Variants in PRRC1 observed in about 807,000 individuals in gnomAD.
PRRC1 encodes proline rich coiled-coil 1.
In PRRC1, 39 loss-of-function variants were observed where a neutral mutation model predicts 40.7. The ratio of observed to expected loss-of-function variants is 0.96; its 90% CI spans 0.74 to 1.25. The LOEUF is 1.25. Among genes scored for constraint, PRRC1 ranks in the 50% most tolerant of loss-of-function variants. The pLI, the probability that PRRC1 is intolerant of heterozygous loss-of-function variation, is 0.00. For synonymous variants in PRRC1, 175 were observed against 193.3 expected (o/e 0.91, Z 0.79); for missense variants, 573 against 548.3 (o/e 1.05, Z -0.45).
At chr5:127,518,249 G>A (rs892623494) in intron 1 of PRRC1, among the ~76,000 whole-genome samples, 20 of 152,220 alleles carry the variant, frequency 1.3e-4, no homozygotes, top group Non-Finnish European at 2.9e-5. Flanking sequence ...GCCCTGGAGA[G>A]GCCCAGGAGG....
intron 5 of PRRC1, among the ~76,000 whole-genome samples, chr5:127,532,428 A>G (rs945656802): frequency 2.4e-4 from 37 of 152,144 alleles, no homozygotes; most frequent in African/African-American, 6.8e-4. Flanking sequence ...TTTTTACACA[A>G]ATATTCTAGA....
rs753162819 is a variant in PRRC1 at position 127,554,985 on chromosome 5, T to C, written c.*3069T>C. On this transcript the variant is annotated 3_prime_UTR_variant, in exon 9 of 9. Coordinates refer to ENST00000296666, the MANE Select transcript of PRRC1 (RefSeq NM_130809.5). Reference sequence around the variant, plus strand: ...AATATGGATTTTTATTCCCAGGATATGGTGTTCATTTTATGATATTACGCA... The same window carrying C: ...AATATGGATTTTTATTCCCAGGATACGGTGTTCATTTTATGATATTACGCA... The C allele has an allele frequency of 6.6e-6, 1 of 152,638 alleles. No individual in the cohort carries two copies. The highest frequency in any genetic ancestry group is 6.5e-5 in the Admixed American group (1 of 15,280). The allele number at this position is 152,638 out of a possible 1,614,324, so 9.5% of individuals were successfully genotyped here.
Position 127,552,867 on chromosome 5 carries a change from CTTT to C in PRRC1, c.*955_*957del. 5.1e-6 allele frequency: 5 copies of C among 977,174 alleles called. No homozygotes were observed. Among genetic ancestry groups the C allele is most frequent in the Non-Finnish European group, 6.1e-6 (5 of 822,182 alleles). The allele number at this position is 977,174 out of a possible 1,614,324, so 60.5% of individuals were successfully genotyped here. A position where few individuals can be genotyped will look rare whatever the true frequency, so the allele number is the denominator to read the frequency against. ...CTTATTTGGTTTGCCTTAAGCATTA[CTTT>C]TTTAACTTTGTGCCATTTGGTCTTT... is the stretch of plus-strand genomic sequence containing the variant. On this transcript the variant is annotated 3_prime_UTR_variant, in exon 9 of 9. Coordinates refer to ENST00000296666, the MANE Select transcript of PRRC1 (RefSeq NM_130809.5).
intron 1 of PRRC1, chr5:127,518,013 G>C (rs1037775280): frequency 6.5e-6 from 1 of 152,848 alleles, no homozygotes; most frequent in African/African-American, 2.4e-5. Flanking sequence ...AGCAGTTTCC[G>C]CTGGGGATGG....
Position 127,518,270 on chromosome 5 carries a change from A to T in PRRC1, c.-21+494A>T, listed in dbSNP as rs868296088. Among the ~76,000 whole-genome samples the T allele has an allele frequency of 2.6e-5, 4 of 152,212 alleles. No individual in the cohort carries two copies. The South Asian group carries it at 6.2e-4, about 24-fold the overall frequency. ...GAGAGGCCCAGGAGGCTCGAGAGTCATCACACCAGGACCTGCAATGAAAGG... is the reference window on the plus strand; with the variant it reads ...GAGAGGCCCAGGAGGCTCGAGAGTCTTCACACCAGGACCTGCAATGAAAGG... On this transcript the variant is annotated intron_variant, in intron 1 of 8. Transcript: ENST00000296666.
chr5:127,546,190 A>G (rs1024392610), intron 7 of PRRC1, among the ~76,000 whole-genome samples: 2 of 152,022 alleles, frequency 1.3e-5, no homozygotes, highest in African/African-American at 2.4e-5. Flanking sequence ...AGGTTCACTA[A>G]TCCTGCCTTC....
chr5:127,537,695 G>C (rs1039235951), intron 6 of PRRC1, among the ~76,000 whole-genome samples: 1 of 151,930 alleles, frequency 6.6e-6, no homozygotes, highest in African/African-American at 2.4e-5. Flanking sequence ...CAAAGAGTTA[G>C]GGGATGAATC....
Position 127,530,022 on chromosome 5 carries a change from A to T in PRRC1, c.655-272A>T, listed in dbSNP as rs546952284. Among the ~76,000 whole-genome samples the T allele has an allele frequency of 2.0e-5, 3 of 152,210 alleles. No individual in the cohort carries two copies. In the South Asian group the frequency reaches 6.2e-4, roughly 32 times the overall value. The stretch of plus-strand genomic sequence containing the variant: ...TGTATATACACACACATATATATGT[A>T]TATATAGTATAGCATCCTTTCCATA... On this transcript the variant is annotated intron_variant, in intron 4 of 8. Coordinates refer to ENST00000296666, the MANE Select transcript of PRRC1 (RefSeq NM_130809.5).
intron 7 of PRRC1, among the ~76,000 whole-genome samples, chr5:127,546,719 G>A (rs540785163): frequency 6.6e-6 from 1 of 152,122 alleles, no homozygotes; most frequent in Non-Finnish European, 1.5e-5. Context: ...AGCTTGGTTA[G>A]TATGTTATTC....
rs751913439 is a variant in PRRC1 at position 127,547,829 on chromosome 5, A to G, written c.1036A>G (p.Ile346Val). ...AELLPDKWFD[I>V]GCLVVEDPVH... ...GTAATTCTGTTGCAGATGGTTTGAC[A>G]TTGGTTGTTTGGTGGTTGAAGATCC... Residue 346 changes from isoleucine (I) to valine (V), a missense_variant, in exon 8 of 9, where the codon ATT becomes GTT. Transcript: ENST00000296666. 7 of 1,612,288 alleles carry G rather than the reference A, an allele frequency of 4.3e-6. No homozygotes were observed.
In PRRC1 at chr5:127,554,929, TA is replaced by T. The variant is rs1430269790; in HGVS notation, c.*3017del. 7 of 152,762 alleles carry T rather than the reference TA, an allele frequency of 4.6e-5. No individual in the cohort carries two copies. Among genetic ancestry groups the T allele is most frequent in the African/African-American group, 1.7e-4 (7 of 41,590 alleles). 9.5% of individuals were successfully genotyped at this position (152,762 alleles called of 1,614,324 possible). A position where few individuals can be genotyped will look rare whatever the true frequency, so the allele number is the denominator to read the frequency against. On this transcript the variant is annotated 3_prime_UTR_variant, in exon 9 of 9. Coordinates refer to ENST00000296666, the MANE Select transcript of PRRC1 (RefSeq NM_130809.5). Reference sequence around the variant, plus strand: ...GCCAAATTGATAATATTCTATGTTCTAAAAGTTGGGCTATACATAAATTATT... The same window carrying T: ...GCCAAATTGATAATATTCTATGTTCTAAAGTTGGGCTATACATAAATTATT...
intron 4 of PRRC1, among the ~76,000 whole-genome samples, chr5:127,528,384 G>A (rs1253631376): frequency 6.6e-6 from 1 of 151,796 alleles, no homozygotes. Flanking sequence ...GTGCGATCTT[G>A]GCTTACTGCA....
In PRRC1 at chr5:127,544,403, T is replaced by C. The variant is rs567643877; in HGVS notation, c.1026-3416T>C. Among the ~76,000 whole-genome samples the C allele has an allele frequency of 3.3e-5, 5 of 152,372 alleles. No individual in the cohort carries two copies. The South Asian group carries it at 1.0e-3, about 32-fold the overall frequency. The stretch of plus-strand genomic sequence containing the variant: ...GCGTGCTGGGAGAACCACTGCTCTC[T>C]TCAAAGCTGTCAGACAGGGACATTT... On this transcript the variant is annotated intron_variant, in intron 7 of 8. Transcript: ENST00000296666.
At chr5:127,534,031 G>C (rs1395105967) in intron 6 of PRRC1, among the ~76,000 whole-genome samples, 1 of 152,130 alleles carries the variant, frequency 6.6e-6, no homozygotes, top group East Asian at 1.9e-4. Context: ...AAAAGGAATA[G>C]TTAGTCCTAA....
intron 5 of PRRC1, 76 bp downstream of exon 5, chr5:127,530,472 C>A: frequency 2.4e-6 from 2 of 835,740 alleles, no homozygotes; most frequent in South Asian, 2.0e-5. Flanking sequence ...AATTGTAATT[C>A]TCTGTTCGTT....
In PRRC1 at chr5:127,551,766, G is replaced by A. The variant is rs763641054; in HGVS notation, c.1188G>A (p.Val396=). The part of the protein sequence containing the change: ...NLRWSGLLVT[V]GEVLEKSLLN... ...GGTGGTCAGGCCTTTTGGTGACAGTGGGTGAAGTCCTGGAAAAGAGTTTAC... is the reference window on the plus strand; with the variant it reads ...GGTGGTCAGGCCTTTTGGTGACAGTAGGTGAAGTCCTGGAAAAGAGTTTAC... The change falls in exon 9 of 9, where the codon GTG becomes GTA. Residue 396 remains valine (V), a synonymous_variant. Coordinates refer to ENST00000296666, the MANE Select transcript of PRRC1 (RefSeq NM_130809.5). 1.3e-5 allele frequency: 21 copies of A among 1,614,118 alleles called. No homozygotes were observed. In the South Asian group the frequency reaches 1.9e-4, roughly 14 times the overall value.
At chr5:127,546,512 G>T (rs180940597) in intron 7 of PRRC1, among the ~76,000 whole-genome samples, 27 of 152,236 alleles carry the variant, frequency 1.8e-4, no homozygotes, top group Non-Finnish European at 3.2e-4. Context: ...AAGTGATCTT[G>T]AGAAGGTTCA....
rs1767577601 is a variant in PRRC1 at position 127,524,895 on chromosome 5, A to G, written c.468A>G (p.Pro156=). Residue 156 remains proline, a synonymous_variant, in exon 3 of 9, where the codon CCA becomes CCG. Coordinates refer to ENST00000296666, the MANE Select transcript of PRRC1 (RefSeq NM_130809.5). The part of the protein sequence containing the change: ...AGRAPQTPLM[P]SFSAPSGTGL... ...GAGCTCCCCAGACACCCCTGATGCC[A>G]TCATTTTCTGCACCTTCAGGAACAG... The G allele has an allele frequency of 1.2e-6, 2 of 1,606,784 alleles. No homozygotes were observed. Among genetic ancestry groups the G allele is most frequent in the Non-Finnish European group, 1.7e-6 (2 of 1,175,336 alleles).
At chr5:127,537,536 ATTAATT>A (rs1767931154) in intron 6 of PRRC1, among the ~76,000 whole-genome samples, 1 of 151,940 alleles carries the variant, frequency 6.6e-6, no homozygotes, top group African/African-American at 2.4e-5. Flanking sequence ...GCAGGAACTA[ATTAATT>A]TTAATTAAAT....
Sources: gnomAD v4.1 joint callset for allele counts (sites outside exome capture counted in the v4.1 genomes callset) on GRCh38, gnomAD v4.1.1 for gene constraint, MANE v1.5 for transcripts, NCBI Gene and HGNC (gene_info 2026-07-23, HGNC 2026-07-21) for gene names.